PLEKHA8: variants seen among roughly 807,000 people sequenced by gnomAD.
The protein encoded by PLEKHA8 is pleckstrin homology domain-containing family A member 8.
In PLEKHA8, 36 loss-of-function variants were observed where a neutral mutation model predicts 68.2. The ratio of observed to expected loss-of-function variants is 0.53; its 90% confidence interval spans 0.40 to 0.70. PLEKHA8 has a LOEUF of 0.70. Ranked by LOEUF, PLEKHA8 falls within the 30% of genes least tolerant of loss-of-function variation. PLEKHA8 has a pLI of 0.00. For synonymous variants in PLEKHA8, 211 were observed against 216.1 expected, an observed-to-expected ratio of 0.98 and a Z score of 0.20; for missense variants, 505 against 615.4, an observed-to-expected ratio of 0.82 and a Z score of 1.90.
In PLEKHA8 at chr7:30,061,928, A is replaced by T. The variant is rs1410060130; in HGVS notation, c.1130A>T (p.Glu377Val). The stretch of plus-strand genomic sequence containing the variant: ...AATCAGAAGTATATAACCAACAAAG[A>T]AGAGTTTACCACTCTCCAGAAGATA... ...KVNQKYITNK[E>V]EFTTLQKIVL... The change falls in exon 11 of 14, where the codon GAA becomes GTA. Residue 377 changes from glutamate to valine, a missense_variant. Glu to Val is a moderately radical substitution (Grantham distance 121). Transcript: ENST00000449726. The T allele has an allele frequency of 6.2e-7, 1 of 1,614,140 alleles. No homozygotes were observed. The highest frequency in any genetic ancestry group is 1.7e-5 in the Admixed American group (1 of 60,020).
In PLEKHA8 at chr7:30,045,101, G is replaced by T. The variant is rs1046858081; in HGVS notation, c.57G>T (p.Trp19Cys). ...TGTTTTCAGGTTGGCAGCCTCGATG[G>T]TTCCTTCTCTGTGGGGGAATATTGT... ...TNYLSGWQPR[W>C]FLLCGGILSY... The change falls in exon 2 of 14, where the codon TGG (tryptophan) becomes TGT (cysteine). Residue 19 changes from tryptophan to cysteine, a missense_variant. Trp to Cys is a radical substitution (Grantham distance 215). Transcript: ENST00000449726. The T allele has an allele frequency of 6.2e-7, 1 of 1,605,566 alleles. No individual in the cohort carries two copies. The highest frequency in any genetic ancestry group is 1.1e-5 in the South Asian group (1 of 89,226).
intron 6 of PLEKHA8, among the ~76,000 whole-genome samples, chr7:30,051,127 TG>T (rs1792374449): frequency 6.6e-6 from 1 of 152,198 alleles, no homozygotes; most frequent in Non-Finnish European, 1.5e-5. Flanking sequence ...CTTGAACTCC[TG>T]AGCTCAAGCA....
At chr7:30,111,878 G>A (rs1796286811) in intron 13 of PLEKHA8, among the ~76,000 whole-genome samples, 2 of 152,062 alleles carry the variant, frequency 1.3e-5, no homozygotes, top group African/African-American at 4.8e-5. Context: ...AAATCCATGA[G>A]TTTAAAAATA....
At chr7:30,085,432 A>G (rs891966105), downstream of PLEKHA8, among the ~76,000 whole-genome samples, 1 of 152,204 alleles carries the variant, frequency 6.6e-6, no homozygotes, top group African/African-American at 2.4e-5. Context: ...AACAATTAGT[A>G]GATTAATTTG....
chr7:30,048,082 G>T (rs936042579), intron 4 of PLEKHA8, 126 bp downstream of exon 4: 2 of 507,040 alleles, frequency 3.9e-6, no homozygotes, highest in African/African-American at 4.1e-5. Context: ...AAAAGCACCA[G>T]ACGTTGCTTA....
At chr7:30,114,743 G>A (rs80152795) in intron 13 of PLEKHA8, among the ~76,000 whole-genome samples, 2,870 of 152,228 alleles carry the variant, frequency 0.019, 43 homozygotes, top group East Asian at 0.041. Flanking sequence ...GGTTGTAAAT[G>A]TGTCCCTCAA....
At chr7:30,037,816 GT>G (rs1791219040) in intron 1 of PLEKHA8, among the ~76,000 whole-genome samples, 1 of 150,746 alleles carries the variant, frequency 6.6e-6, no homozygotes, top group South Asian at 2.1e-4. Flanking sequence ...TGAACTTTAA[GT>G]TCAGGGGTAC....
At chr7:30,127,869 C>G (rs751554510) in intron 13 of PLEKHA8, among the ~76,000 whole-genome samples, 1 of 152,184 alleles carries the variant, frequency 6.6e-6, no homozygotes, top group African/African-American at 2.4e-5. Context: ...ACATTGAATT[C>G]TCCTATATAG....
intron 13 of PLEKHA8, among the ~76,000 whole-genome samples, chr7:30,097,847 A>G (rs530684038): frequency 6.6e-6 from 1 of 152,162 alleles, no homozygotes; most frequent in African/African-American, 2.4e-5. Context: ...TTCTCTGTCC[A>G]GCTTTGTTCC....
At chr7:30,036,610 CAAAT>C (rs1188788044) in intron 1 of PLEKHA8, among the ~76,000 whole-genome samples, 2 of 152,134 alleles carry the variant, frequency 1.3e-5, no homozygotes, top group South Asian at 2.1e-4. Flanking sequence ...CTGTGCAGAA[CAAAT>C]AAATATTTAG....
downstream of PLEKHA8, chr7:30,090,887 A>T (rs969885950): frequency 1.8e-5 from 3 of 164,904 alleles, no homozygotes; most frequent in African/African-American, 7.2e-5. Flanking sequence ...TCAGCCCGGC[A>T]TGGTGGCTCA....
intron 12 of PLEKHA8, among the ~76,000 whole-genome samples, chr7:30,072,335 A>T (rs1159207389): frequency 6.6e-6 from 1 of 152,234 alleles, no homozygotes; most frequent in East Asian, 1.9e-4. Flanking sequence ...TGCAATATGT[A>T]TTGAGTATGT....
At chr7:30,090,329 C>T (rs1046240710) in exon 13 of PLEKHA8, 2 of 899,084 alleles carry the variant, frequency 2.2e-6, no homozygotes, top group Non-Finnish European at 3.3e-6. Context: ...TTCCGAAGTT[C>T]TGAGTAGGAA....
At chr7:30,032,867 C>A (rs758743014) in intron 1 of PLEKHA8, among the ~76,000 whole-genome samples, 16 of 152,212 alleles carry the variant, frequency 1.1e-4, no homozygotes, top group African/African-American at 3.4e-4. Context: ...TCCAGCCAGC[C>A]GAAGGCTGCT....
Position 30,028,498 on chromosome 7 carries a change from G to C in PLEKHA8, c.-265G>C. Reference sequence around the variant, plus strand: ...GCCCCTCCGACCCACGTAGGGCCCGGACCCGGGCCTCCTTGTGAACAGCGT... The same window carrying C: ...GCCCCTCCGACCCACGTAGGGCCCGCACCCGGGCCTCCTTGTGAACAGCGT... On this transcript the variant is annotated 5_prime_UTR_variant, in exon 1 of 14. Transcript: ENST00000449726. The C allele has an allele frequency of 5.6e-6, 2 of 356,420 alleles. No homozygotes were observed. The highest frequency in any genetic ancestry group is 5.0e-6 in the Non-Finnish European group (1 of 199,112). The allele number at this position is 356,420 out of a possible 1,614,324, so 22.1% of individuals were successfully genotyped here. A position where few individuals can be genotyped will look rare whatever the true frequency, so the allele number is the denominator to read the frequency against.
intron 13 of PLEKHA8, among the ~76,000 whole-genome samples, chr7:30,099,412 C>G (rs116199479): frequency 1.3e-5 from 2 of 152,190 alleles, no homozygotes; most frequent in East Asian, 3.8e-4. Context: ...AATGCAGGTT[C>G]TCTAAGAAGT....
intron 13 of PLEKHA8, chr7:30,118,263 T>A (rs766867833): frequency 2.1e-5 from 8 of 387,836 alleles, no homozygotes; most frequent in Non-Finnish European, 3.6e-5. Flanking sequence ...ACTTATTTGA[T>A]TGTTTTTCTG....
intron 7 of PLEKHA8, 57 bp from the exon 8 acceptor site, chr7:30,054,652 A>G (rs1792683062): frequency 9.0e-7 from 1 of 1,114,460 alleles, no homozygotes; most frequent in Non-Finnish European, 1.2e-6. Context: ...AACAATCAAT[A>G]TGTATTTTTA....
In PLEKHA8 at chr7:30,078,715, C is replaced by T. The variant is rs1354925932; in HGVS notation, c.1488C>T (p.Ala496=). 8 of 1,613,718 alleles carry T rather than the reference C, an allele frequency of 5.0e-6. No individual in the cohort carries two copies. The highest frequency in any genetic ancestry group is 6.8e-6 in the Non-Finnish European group (8 of 1,179,832). Reference sequence around the variant, plus strand: ...GGGACCTCAGCCTTTACCTCCCTGCCATGGAGAAGCAGCTGGCCATACTGG... The same window carrying T: ...GGGACCTCAGCCTTTACCTCCCTGCTATGGAGAAGCAGCTGGCCATACTGG... The part of the protein sequence containing the change: ...MQRDLSLYLP[A]MEKQLAILDT... The change falls in exon 14 of 14, where the codon GCC becomes GCT. Residue 496 remains alanine, a synonymous_variant. Coordinates refer to ENST00000449726, the MANE Select transcript of PLEKHA8 (RefSeq NM_001197026.2).
Sources: allele counts gnomAD v4.1 joint callset (sites outside exome capture counted in the v4.1 genomes callset), GRCh38; gene constraint gnomAD v4.1.1; transcripts MANE v1.5; gene names NCBI Gene and HGNC (gene_info 2026-07-23, HGNC 2026-07-21).